LITAF: variants seen among roughly 807,000 people sequenced by gnomAD.
LITAF encodes lipopolysaccharide induced TNF factor.
LITAF carries 9 observed loss-of-function variants against 14.5 expected under a neutral mutation model. That is an observed-to-expected ratio of 0.62 (90% CI 0.37 to 1.08). LITAF has a LOEUF of 1.08. Ranked by LOEUF, LITAF falls within the 50% of genes least tolerant of loss-of-function variation. LITAF has a pLI of 0.01. For missense variants in LITAF, 206 were observed against 213.4 expected, an observed-to-expected ratio of 0.97 and a Z score of 0.22; for synonymous variants, 98 against 88.2, an observed-to-expected ratio of 1.11 and a Z score of -0.62.
chr16:11,593,297 A>G (rs1239247740), intron 1 of LITAF, among the ~76,000 whole-genome samples: 1 of 146,764 alleles, frequency 6.8e-6, no homozygotes, highest in Non-Finnish European at 1.5e-5. Flanking sequence ...CAGATGTTGC[A>G]GTGAGCCGAG....
At chr16:11,583,040 G>C (rs1047943895) in intron 1 of LITAF, among the ~76,000 whole-genome samples, 1 of 152,160 alleles carries the variant, frequency 6.6e-6, no homozygotes, top group African/African-American at 2.4e-5. Flanking sequence ...TAGACAAAAG[G>C]GGAAACCCGG....
At chr16:11,563,483 G>A (rs1259927714) in intron 1 of LITAF, among the ~76,000 whole-genome samples, 2 of 152,040 alleles carry the variant, frequency 1.3e-5, no homozygotes, top group African/African-American at 4.8e-5. Context: ...ATCATGAAAG[G>A]AAAATACACC....
upstream of LITAF, among the ~76,000 whole-genome samples, chr16:11,639,032 G>A (rs992112805): frequency 6.6e-6 from 1 of 152,126 alleles, no homozygotes; most frequent in Non-Finnish European, 1.5e-5. Context: ...AGTGACGGAT[G>A]CATGGGTGAA....
At chr16:11,635,289 C>T (rs1328975611) in intron 2 of LITAF, among the ~76,000 whole-genome samples, 1 of 152,198 alleles carries the variant, frequency 6.6e-6, no homozygotes, top group African/African-American at 2.4e-5. Flanking sequence ...TGCATAGACA[C>T]ACACGCATGC....
intron 2 of LITAF, chr16:11,556,206 G>C: frequency 2.0e-6 from 1 of 511,470 alleles, no homozygotes; most frequent in South Asian, 3.6e-5. Flanking sequence ...GGAAGTGTGC[G>C]GGCCCTTAAG....
At chr16:11,551,310 G>A (rs2064178471) in intron 3 of LITAF, among the ~76,000 whole-genome samples, 1 of 152,112 alleles carries the variant, frequency 6.6e-6, no homozygotes, top group Admixed American at 6.6e-5. Context: ...GCTCCAGGCA[G>A]CACACACACA....
intron 3 of LITAF, among the ~76,000 whole-genome samples, chr16:11,631,926 T>C (rs2065120212): frequency 1.3e-5 from 2 of 150,936 alleles, no homozygotes; most frequent in African/African-American, 4.9e-5. Flanking sequence ...CTCAGCTCAC[T>C]GCAATCTCTG....
At chr16:11,629,847 T>C (rs983356491) in intron 3 of LITAF, among the ~76,000 whole-genome samples, 1 of 152,008 alleles carries the variant, frequency 6.6e-6, no homozygotes, top group South Asian at 2.1e-4. Flanking sequence ...AACAAGGCCA[T>C]GTGGTAGGCG....
upstream of LITAF, among the ~76,000 whole-genome samples, chr16:11,602,310 C>A (rs1398293004): frequency 1.3e-5 from 2 of 152,120 alleles, no homozygotes; most frequent in South Asian, 2.1e-4. Context: ...GAGCTGAGAT[C>A]GCACCACTGC....
At chr16:11,625,620 A>G (rs1049309286) in intron 3 of LITAF, among the ~76,000 whole-genome samples, 2 of 152,168 alleles carry the variant, frequency 1.3e-5, no homozygotes, top group African/African-American at 4.8e-5. Flanking sequence ...GGGGGAACCA[A>G]GTCTAAGACA....
chr16:11,623,785 G>T (rs760852653), intron 3 of LITAF, among the ~76,000 whole-genome samples: 1 of 151,006 alleles, frequency 6.6e-6, no homozygotes, highest in African/African-American at 2.4e-5. Context: ...TGGCCAACAC[G>T]GTGAAACCCC....
upstream of LITAF, among the ~76,000 whole-genome samples, chr16:11,588,001 C>G (rs2064824869): frequency 6.6e-6 from 1 of 152,098 alleles, no homozygotes; most frequent in African/African-American, 2.4e-5. Flanking sequence ...TAGTGAGGCC[C>G]AGATAGGGAG....
In LITAF at chr16:11,556,492, C is replaced by T; in HGVS notation, c.220+19G>A. The T allele has an allele frequency of 1.9e-6, 3 of 1,601,688 alleles. No homozygotes were observed. Among genetic ancestry groups the T allele is most frequent in the Non-Finnish European group, 2.6e-6 (3 of 1,171,060 alleles). ...GAGGGCCAAGGAATGGTAAGGGGGGCCTGGGAGGCCACACGTACTTGGATT... is the reference window on the plus strand; with the variant it reads ...GAGGGCCAAGGAATGGTAAGGGGGGTCTGGGAGGCCACACGTACTTGGATT... On this transcript the variant is annotated intron_variant, in intron 2 of 3. Coordinates refer to ENST00000622633, the MANE Select transcript of LITAF (RefSeq NM_001136472.2).
upstream of LITAF, among the ~76,000 whole-genome samples, chr16:11,639,603 T>C (rs116528593): frequency 0.014 from 1,989 of 141,562 alleles, 50 homozygotes; most frequent in African/African-American, 0.048. Context: ...CAATAAAACT[T>C]TGGAAGAAAG....
intron 3 of LITAF, among the ~76,000 whole-genome samples, chr16:11,603,648 G>A (rs977187474): frequency 9.9e-5 from 15 of 152,178 alleles, no homozygotes; most frequent in Non-Finnish European, 1.8e-4. Flanking sequence ...CGGAAAATCC[G>A]CAGCCCCCAT....
At position 11,556,723 on chromosome 16, in the gene LITAF, A is replaced by C; in HGVS notation, c.8T>G (p.Val3Gly). Residue 3 changes from valine (V) to glycine (G), a missense_variant, in exon 2 of 4, where the codon GTT becomes GGT. Transcript: ENST00000622633. Reference sequence around the variant, plus strand: ...AGTGGCCGCCTGGTAAGGTCCTGGAACCGACATTTTACCTAAAACAGAAAC... The same window carrying C: ...AGTGGCCGCCTGGTAAGGTCCTGGACCCGACATTTTACCTAAAACAGAAAC... Reference protein sequence around the residue: MSVPGPYQAATGP... With the variant: MSGPGPYQAATGP... 1.2e-6 allele frequency: 2 copies of C among 1,614,122 alleles called. No individual in the cohort carries two copies. Among genetic ancestry groups the C allele is most frequent in the African/African-American group, 1.3e-5 (1 of 75,048 alleles).
chr16:11,638,869 TAC>T (rs1462786555), upstream of LITAF, among the ~76,000 whole-genome samples: 5 of 152,102 alleles, frequency 3.3e-5, no homozygotes, highest in African/African-American at 1.2e-4. Flanking sequence ...CATAGCTGGC[TAC>T]CTTTTTAACC....
At chr16:11,599,160 C>T (rs544855292), upstream of LITAF, among the ~76,000 whole-genome samples, 4 of 151,670 alleles carry the variant, frequency 2.6e-5, no homozygotes, top group Admixed American at 6.6e-5. Flanking sequence ...ACTCTGTCAC[C>T]CAGGCTAAAG....
rs1264622117 is a variant in LITAF, at chr16:11,605,789, T to C, written c.85+27744A>G. On this transcript the variant is annotated intron_variant, in intron 3 of 3. Coordinates refer to the LITAF transcript ENST00000574848. This position sits in a 1 kb window ranked among gnomAD's most constrained non-coding sequence, Gnocchi z 4.7. ...TCTAAGAGAAAGAGAAGCAAGAGAG[T>C]TACCGTGAGAGCCCCGAGAGCTTCC... 6.6e-6 allele frequency among the ~76,000 whole-genome samples: 1 copy of C among 151,706 alleles called. No homozygotes were observed.
Sources: allele counts gnomAD v4.1 joint callset (sites outside exome capture counted in the v4.1 genomes callset), GRCh38; gene constraint gnomAD v4.1.1; non-coding constraint Gnocchi (gnomAD v3.1); transcripts MANE v1.5; gene names NCBI Gene and HGNC (gene_info 2026-07-23, HGNC 2026-07-21).